The following CHRNA7 variants were observed in gnomAD, a reference collection of about 807,000 sequenced individuals.
CHRNA7 encodes the protein neuronal acetylcholine receptor subunit alpha-7.
Under a neutral mutation model 48.0 loss-of-function variants are expected in CHRNA7, and 17 were observed. The observed-to-expected ratio is 0.35, with a 90% CI of 0.24 to 0.53. The LOEUF (loss-of-function observed/expected upper bound fraction) is 0.53, where lower values mean the gene tolerates loss of function less well. Among genes scored for constraint, CHRNA7 ranks in the 20% least tolerant of loss-of-function variants. CHRNA7 has a pLI of 0.92. For synonymous variants in CHRNA7, 75 were observed against 242.3 expected (o/e 0.31, Z 6.41); for missense variants, 155 against 577.7 (o/e 0.27, Z 7.50).
At chr15:32,093,099 T>C (rs777532839) in intron 2 of CHRNA7, among the ~76,000 whole-genome samples, 8 of 152,268 alleles carry the variant, frequency 5.3e-5, no homozygotes, top group Non-Finnish European at 1.2e-4. Flanking sequence ...TAAAGGGAGA[T>C]TTATCCTTTC....
intron 4 of CHRNA7, among the ~76,000 whole-genome samples, chr15:32,139,385 G>A (rs1299260923): frequency 1.4e-4 from 21 of 152,160 alleles, no homozygotes; most frequent in Admixed American, 1.4e-3. Context: ...ACAAGGGAAG[G>A]CAATTGTTGG....
intron 4 of CHRNA7, among the ~76,000 whole-genome samples, chr15:32,133,875 C>T (rs2051198832): frequency 6.6e-6 from 1 of 152,164 alleles, no homozygotes; most frequent in Non-Finnish European, 1.5e-5. Context: ...CACAGGATCT[C>T]CATAGACACG....
chr15:32,051,376 G>C (rs2049673364), intron 2 of CHRNA7, among the ~76,000 whole-genome samples: 1 of 152,192 alleles, frequency 6.6e-6, no homozygotes, highest in Admixed American at 6.5e-5. Flanking sequence ...CCCCAGCCTT[G>C]CTGAAGCCTT....
At chr15:32,082,607 A>G (rs185644851) in intron 2 of CHRNA7, among the ~76,000 whole-genome samples, 111 of 152,318 alleles carry the variant, frequency 7.3e-4, no homozygotes, top group African/African-American at 2.5e-3. Flanking sequence ...TGCAATTAGT[A>G]CAACTTTATG....
chr15:32,042,738 G>T (rs1362070880), intron 2 of CHRNA7, among the ~76,000 whole-genome samples: 1 of 152,124 alleles, frequency 6.6e-6, no homozygotes, highest in Non-Finnish European at 1.5e-5. Flanking sequence ...TTCATCCTGT[G>T]TGTTCCCCTC....
rs186839187 is a variant in CHRNA7 at position 32,032,940 on chromosome 15, A to T, written c.195+1903A>T. Among the ~76,000 whole-genome samples the T allele has an allele frequency of 3.4e-3, 521 of 152,368 alleles. 1 individual carries two copies. Among genetic ancestry groups the T allele is most frequent in the Non-Finnish European group, 6.1e-3 (412 of 68,040 alleles). On this transcript the variant is annotated intron_variant, in intron 2 of 9. Coordinates refer to ENST00000306901, the MANE Select transcript of CHRNA7 (RefSeq NM_000746.6). ...GAGCTCTGAGTCTTAGGAGAAGTTT[A>T]GGCATAAGTTAGTGTTATACTACAT...
intron 2 of CHRNA7, among the ~76,000 whole-genome samples, chr15:32,068,629 A>G (rs1437336882): frequency 6.6e-6 from 1 of 152,058 alleles, no homozygotes; most frequent in Admixed American, 6.5e-5. Context: ...AGGCTGAGGC[A>G]GGAGAATTGC....
At chr15:32,066,698 G>A (rs1274383367) in intron 2 of CHRNA7, among the ~76,000 whole-genome samples, 1 of 152,190 alleles carries the variant, frequency 6.6e-6, no homozygotes, top group Non-Finnish European at 1.5e-5. Context: ...AATAGGAATT[G>A]TCCTAAGAAA....
rs1456238675 is a variant in CHRNA7, at chr15:32,111,770, A to G, written c.241-20A>G. The G allele has an allele frequency of 1.4e-6, 2 of 1,452,830 alleles. No individual in the cohort carries two copies. Among genetic ancestry groups the G allele is most frequent in the Non-Finnish European group, 1.9e-6 (2 of 1,035,676 alleles). 90.0% of individuals were successfully genotyped at this position (1,452,830 alleles called of 1,614,324 possible). A position where few individuals can be genotyped will look rare whatever the true frequency, so the allele number is the denominator to read the frequency against. The stretch of plus-strand genomic sequence containing the variant: ...GTAGCCAAGGAAGTGAAGTGCTGCT[A>G]ATGTCATTGTGTGTGTCAGTCTTGG... On this transcript the variant is annotated intron_variant, in intron 3 of 9. Transcript: ENST00000306901.
intron 2 of CHRNA7, among the ~76,000 whole-genome samples, chr15:32,040,574 T>C (rs1403078245): frequency 6.8e-6 from 1 of 146,976 alleles, no homozygotes; most frequent in African/African-American, 2.5e-5. Flanking sequence ...TTATTTCTTA[T>C]AAGGTGCGTG....
At chr15:32,103,970 A>G (rs144677903) in intron 3 of CHRNA7, among the ~76,000 whole-genome samples, 1 of 152,282 alleles carries the variant, frequency 6.6e-6, no homozygotes, top group African/African-American at 2.4e-5. Context: ...ACCCTGGTCT[A>G]CATGGGTGTC....
chr15:32,040,220 G>A (rs1189684970), intron 2 of CHRNA7, among the ~76,000 whole-genome samples: 2 of 151,932 alleles, frequency 1.3e-5, no homozygotes, highest in African/African-American at 4.8e-5. Context: ...TCTTTAAATT[G>A]ATGCATTTAG....
At chr15:32,136,820 A>G (rs1362658492) in intron 4 of CHRNA7, among the ~76,000 whole-genome samples, 1 of 151,656 alleles carries the variant, frequency 6.6e-6, no homozygotes, top group African/African-American at 2.4e-5. Flanking sequence ...TCACGAGGTC[A>G]GGAGATCGAG....
chr15:32,140,062 TC>T (rs1279648857), intron 4 of CHRNA7, among the ~76,000 whole-genome samples: 1 of 151,722 alleles, frequency 6.6e-6, no homozygotes, highest in Non-Finnish European at 1.5e-5. Flanking sequence ...CCTAATGCTA[TC>T]CCACCCCCAG....
At chr15:32,058,266 C>T (rs1221619960) in intron 2 of CHRNA7, among the ~76,000 whole-genome samples, 2 of 152,152 alleles carry the variant, frequency 1.3e-5, no homozygotes, top group African/African-American at 2.4e-5. Flanking sequence ...ATGCAAATTC[C>T]GTGGTCCAAG....
intron 4 of CHRNA7, among the ~76,000 whole-genome samples, chr15:32,114,371 A>C (rs1233934581): frequency 1.3e-5 from 2 of 152,082 alleles, no homozygotes; most frequent in Admixed American, 6.6e-5. Context: ...AAATGTTACC[A>C]GGGTCCAGGC....
chr15:32,078,952 C>CATG (rs1328199618), intron 2 of CHRNA7, among the ~76,000 whole-genome samples: 1 of 152,174 alleles, frequency 6.6e-6, no homozygotes, highest in Non-Finnish European at 1.5e-5. Flanking sequence ...GCTTATCCAC[C>CATG]ATGATCAAGT....
At chr15:32,065,993 A>G (rs549955852) in intron 2 of CHRNA7, among the ~76,000 whole-genome samples, 1 of 151,986 alleles carries the variant, frequency 6.6e-6, no homozygotes, top group Non-Finnish European at 1.5e-5. Flanking sequence ...AGCCCACTGC[A>G]AACACTGGGG....
At chr15:32,049,149 ATG>A (rs1439211016) in intron 2 of CHRNA7, among the ~76,000 whole-genome samples, 1 of 151,792 alleles carries the variant, frequency 6.6e-6, no homozygotes, top group Non-Finnish European at 1.5e-5. Flanking sequence ...AGTTCTGTAG[ATG>A]TCTATTAGGT....
Sources: allele counts gnomAD v4.1 joint callset (sites outside exome capture counted in the v4.1 genomes callset), GRCh38; gene constraint gnomAD v4.1.1; transcripts MANE v1.5; gene names NCBI Gene and HGNC (gene_info 2026-07-23, HGNC 2026-07-21).